The following LCMT1 variants were observed in gnomAD, a reference collection of about 807,000 sequenced individuals.
The protein encoded by LCMT1 is [Phosphatase 2A protein]-leucine-carboxy methyltransferase 1.
A neutral mutation model predicts 47.7 loss-of-function variants in LCMT1; 32 were observed. The observed-to-expected ratio is 0.67, with a 90% CI of 0.51 to 0.90. LCMT1 has a LOEUF of 0.90. LCMT1 is among the 40% of genes least tolerant of loss of function. The pLI is 0.00. For synonymous variants in LCMT1, 152 were observed against 149.7 expected, an observed-to-expected ratio of 1.02 and a Z score of -0.11; for missense variants, 375 against 415.2, an observed-to-expected ratio of 0.90 and a Z score of 0.84.
At chr16:25,174,298 A>G (rs1961863178) in intron 9 of LCMT1, among the ~76,000 whole-genome samples, 1 of 152,216 alleles carries the variant, frequency 6.6e-6, no homozygotes, top group Non-Finnish European at 1.5e-5. Flanking sequence ...ACCAAAATGA[A>G]GTAGTATAGA....
intron 1 of LCMT1, among the ~76,000 whole-genome samples, chr16:25,121,709 C>T (rs956356621): frequency 1.3e-5 from 2 of 152,130 alleles, no homozygotes; most frequent in African/African-American, 2.4e-5. Flanking sequence ...AAATGCCAGT[C>T]GCTTGTAAAA....
At chr16:25,132,082 T>A (rs1055648431) in intron 2 of LCMT1, 4 of 429,014 alleles carry the variant, frequency 9.3e-6, no homozygotes, top group African/African-American at 2.0e-5. Flanking sequence ...ATTATAGCCA[T>A]GAAAGGCACA....
intron 7 of LCMT1, 26 bp from the exon 8 acceptor site, chr16:25,169,070 GAAACCCTTAGAGTAAT>G (rs766765826): frequency 7.4e-7 from 1 of 1,358,776 alleles, no homozygotes; most frequent in East Asian, 2.3e-5. Flanking sequence ...GCATATTTAG[GAAACCCTTAGAGTAAT>G]ATCTTACCTT....
intron 1 of LCMT1, among the ~76,000 whole-genome samples, chr16:25,121,179 G>A (rs914357390): frequency 6.6e-6 from 1 of 151,576 alleles, no homozygotes; most frequent in Non-Finnish European, 1.5e-5. Context: ...TGTAATCCCA[G>A]CACTTTGGGA....
intron 8 of LCMT1, among the ~76,000 whole-genome samples, chr16:25,170,338 G>A (rs1312254423): frequency 3.3e-5 from 5 of 152,010 alleles, no homozygotes; most frequent in African/African-American, 1.2e-4. Flanking sequence ...CTCTTTGGAA[G>A]TACTTTAGTG....
chr16:25,153,255 T>A (rs1961133931), intron 5 of LCMT1, among the ~76,000 whole-genome samples: 1 of 152,222 alleles, frequency 6.6e-6, no homozygotes, highest in Non-Finnish European at 1.5e-5. Flanking sequence ...AGTTTTCTGG[T>A]TTAGCTTGTT....
intron 5 of LCMT1, among the ~76,000 whole-genome samples, chr16:25,155,660 T>TTTTC (rs1344285196): frequency 4.0e-5 from 6 of 149,890 alleles, no homozygotes; most frequent in South Asian, 2.1e-4. Context: ...TTTTACTTTC[T>TTTTC]TTTCTTTCTT....
At chr16:25,161,286 G>T in intron 6 of LCMT1, 82 bp downstream of exon 6, 1 of 618,838 alleles carries the variant, frequency 1.6e-6, no homozygotes, top group Non-Finnish European at 2.8e-6. Flanking sequence ...AGTACAGCAT[G>T]ATATTCATGT....
rs1258403646 is a variant in LCMT1 at position 25,128,577 on chromosome 16, A to G, written c.205+11A>G. ...CTGAAATCAACAGAGGCAAGTGACCATCTCCCTCCCCAACAGCACCTCATC... is the reference window on the plus strand; with the variant it reads ...CTGAAATCAACAGAGGCAAGTGACCGTCTCCCTCCCCAACAGCACCTCATC... On this transcript the variant is annotated intron_variant, in intron 2 of 10. Transcript: ENST00000399069. 3.2e-6 allele frequency: 5 copies of G among 1,579,534 alleles called. No individual in the cohort carries two copies. The East Asian group carries it at 6.8e-5, about 22-fold the overall frequency.
intron 9 of LCMT1, among the ~76,000 whole-genome samples, chr16:25,172,946 C>A (rs557753861): frequency 2.6e-5 from 4 of 152,222 alleles, no homozygotes; most frequent in Non-Finnish European, 4.4e-5. Flanking sequence ...TGCCTCCAGG[C>A]AGTCATTTGT....
chr16:25,150,552 C>T (rs1013414392), intron 4 of LCMT1, among the ~76,000 whole-genome samples: 5 of 151,736 alleles, frequency 3.3e-5, no homozygotes, highest in African/African-American at 1.2e-4. Flanking sequence ...CCATTTTGGT[C>T]GGGCTGGTCT....
intron 3 of LCMT1, among the ~76,000 whole-genome samples, chr16:25,135,406 G>A (rs1261949351): frequency 6.6e-6 from 1 of 152,074 alleles, no homozygotes; most frequent in African/African-American, 2.4e-5. Context: ...TTATTGGAAG[G>A]CAGCCACTCC....
chr16:25,135,284 A>AATATATATAT (rs779986194), intron 3 of LCMT1, among the ~76,000 whole-genome samples: 17 of 140,658 alleles, frequency 1.2e-4, no homozygotes, highest in South Asian at 4.5e-4. Flanking sequence ...TTTCTTTTAA[A>AATATATATAT]ATATATATCT....
intron 10 of LCMT1, among the ~76,000 whole-genome samples, chr16:25,176,927 C>A (rs951724323): frequency 1.3e-5 from 2 of 151,492 alleles, no homozygotes; most frequent in African/African-American, 2.4e-5. Flanking sequence ...TGCCTGTAAT[C>A]CCAGCACTTT....
intron 1 of LCMT1, 40 bp downstream of exon 1, chr16:25,112,036 C>T (rs759333403): frequency 2.1e-6 from 3 of 1,407,884 alleles, no homozygotes; most frequent in Non-Finnish European, 3.0e-6. Context: ...GCATCTGGGG[C>T]GCGGGCCTAG....
At chr16:25,163,392 C>G (rs1007215451) in intron 6 of LCMT1, among the ~76,000 whole-genome samples, 7 of 151,506 alleles carry the variant, frequency 4.6e-5, no homozygotes. Context: ...CTGCTTGAAC[C>G]CAGGAGGCGG....
At chr16:25,151,669 C>T (rs1567321300) in intron 5 of LCMT1, 54 bp downstream of exon 5, 1 of 1,414,990 alleles carries the variant, frequency 7.1e-7, no homozygotes, top group Non-Finnish European at 9.9e-7. Flanking sequence ...GCTTCCCACC[C>T]CCTTTTTGAA....
rs1373553164 is a variant in LCMT1 at position 25,164,641 on chromosome 16, A to T, written c.613A>T (p.Thr205Ser). The T allele has an allele frequency of 1.7e-5, 27 of 1,613,758 alleles. No individual in the cohort carries two copies. The highest frequency in any genetic ancestry group is 2.2e-5 in the Non-Finnish European group (26 of 1,179,830). Residue 205 changes from threonine (T) to serine (S), a missense_variant, in exon 7 of 11, where the codon ACT (threonine) becomes TCT (serine). Physicochemically the swap from Thr to Ser is moderately conservative, Grantham distance 58. Coordinates refer to ENST00000399069, the MANE Select transcript of LCMT1 (RefSeq NM_016309.3). ...LIAECVLVYMTPEQSANLLKW... is the reference protein window; with the variant it reads ...LIAECVLVYMSPEQSANLLKW... ...AGCTGAATGTGTGCTGGTTTACATG[A>T]CTCCAGAGCAGTCCGCAAACCTCCT...
At chr16:25,118,970 CT>C (rs1359331626) in intron 1 of LCMT1, among the ~76,000 whole-genome samples, 1 of 152,078 alleles carries the variant, frequency 6.6e-6, no homozygotes, top group Non-Finnish European at 1.5e-5. Flanking sequence ...GGTGGTCTCA[CT>C]TGGTTTTAAT....
Sources: gnomAD v4.1 joint callset for allele counts (sites outside exome capture counted in the v4.1 genomes callset) on GRCh38, gnomAD v4.1.1 for gene constraint, MANE v1.5 for transcripts, NCBI Gene and HGNC (gene_info 2026-07-23, HGNC 2026-07-21) for gene names.